CHD7: variants seen among roughly 807,000 people sequenced by gnomAD.
CHD7 encodes chromodomain helicase DNA binding protein 7.
In CHD7, 24 loss-of-function variants were observed where a neutral mutation model predicts 307.3. The observed-to-expected ratio is 0.08, with a 90% CI of 0.06 to 0.11. CHD7 has a LOEUF of 0.11. Among genes scored for constraint, CHD7 ranks in the 10% least tolerant of loss-of-function variants. The pLI is 1.00. For synonymous variants in CHD7, 1,363 were observed against 1,349.9 expected (o/e 1.01, Z -0.21); for missense variants, 3,106 against 3,727.1 (o/e 0.83, Z 4.34).
intron 3 of CHD7, among the ~76,000 whole-genome samples, chr8:60,783,056 G>A (rs1811333987): frequency 6.6e-6 from 1 of 151,804 alleles, no homozygotes; most frequent in Admixed American, 6.6e-5. Flanking sequence ...ATTAATCTTA[G>A]CATCAAGATA....
chr8:60,859,739 AG>A (rs1805879729), intron 34 of CHD7, among the ~76,000 whole-genome samples: 1 of 152,228 alleles, frequency 6.6e-6, no homozygotes, highest in Non-Finnish European at 1.5e-5. Context: ...GAATTTGCTG[AG>A]GAAGTGAGCT....
intron 2 of CHD7, among the ~76,000 whole-genome samples, chr8:60,762,142 C>T (rs1810245380): frequency 6.6e-6 from 1 of 152,126 alleles, no homozygotes; most frequent in Non-Finnish European, 1.5e-5. Flanking sequence ...CTGTGTAGGT[C>T]CTCTCAGTAA....
At chr8:60,723,397 G>A (rs569035340) in intron 1 of CHD7, among the ~76,000 whole-genome samples, 1 of 152,090 alleles carries the variant, frequency 6.6e-6, no homozygotes, top group East Asian at 1.9e-4. Context: ...TTTGAAAAAA[G>A]CCTGCACCTC....
chr8:60,776,057 G>C (rs1810937338), intron 2 of CHD7, among the ~76,000 whole-genome samples: 1 of 152,212 alleles, frequency 6.6e-6, no homozygotes, highest in Non-Finnish European at 1.5e-5. Flanking sequence ...ACTGCATTTA[G>C]CCTATCACAG....
intron 7 of CHD7, among the ~76,000 whole-genome samples, chr8:60,812,801 G>A (rs964086442): frequency 4.4e-4 from 66 of 150,730 alleles, no homozygotes; most frequent in African/African-American, 1.5e-3. Context: ...TGAACTGCTT[G>A]TCTATTTATA....
rs529631798 is a variant in CHD7 at position 60,704,063 on chromosome 8, C to T, written c.-175+24981C>T. ...CTTTTTTCCCCTGATGCTTCCCCTG[C>T]CCCTTTAAAAAAACACTCCTGTTGT... On this transcript the variant is annotated intron_variant, in intron 1 of 37. Transcript: ENST00000423902. 1.2e-4 allele frequency among the ~76,000 whole-genome samples: 19 copies of T among 152,124 alleles called. 1 individual carries two copies. In the South Asian group the frequency reaches 1.7e-3, roughly 13 times the overall value.
At chr8:60,762,114 G>T (rs1410730523) in intron 2 of CHD7, among the ~76,000 whole-genome samples, 2 of 152,118 alleles carry the variant, frequency 1.3e-5, no homozygotes, top group South Asian at 2.1e-4. Flanking sequence ...CTCTTCATGG[G>T]CCCTTAGCAT....
intron 2 of CHD7, among the ~76,000 whole-genome samples, chr8:60,769,599 T>G (rs1810620913): frequency 6.6e-6 from 1 of 152,174 alleles, no homozygotes; most frequent in South Asian, 2.1e-4. Context: ...AGAAAAAAAT[T>G]CCATGTAGTA....
At chr8:60,716,382 C>T (rs1807600890) in intron 1 of CHD7, among the ~76,000 whole-genome samples, 1 of 152,210 alleles carries the variant, frequency 6.6e-6, no homozygotes, top group Non-Finnish European at 1.5e-5. Flanking sequence ...TCTGCTCCAG[C>T]CTCCCCCATC....
chr8:60,739,248 C>G (rs557320014), intron 1 of CHD7, among the ~76,000 whole-genome samples: 95 of 152,330 alleles, frequency 6.2e-4, no homozygotes, highest in African/African-American at 2.2e-3. Flanking sequence ...GTAGACGTTA[C>G]TTTCCTTAAG....
intron 13 of CHD7, among the ~76,000 whole-genome samples, chr8:60,828,007 CAG>C (rs779290576): frequency 4.0e-5 from 6 of 151,714 alleles, no homozygotes; most frequent in East Asian, 1.9e-4. Context: ...AATAGGAAGA[CAG>C]GGTATAACTG....
intron 8 of CHD7, among the ~76,000 whole-genome samples, chr8:60,819,775 A>G (rs1803939536): frequency 6.6e-6 from 1 of 152,240 alleles, no homozygotes; most frequent in Admixed American, 6.5e-5. Context: ...TCTCACAGTA[A>G]AAGGTTTCAC....
chr8:60,755,646 G>T (rs1466436970), intron 2 of CHD7, among the ~76,000 whole-genome samples: 3 of 151,874 alleles, frequency 2.0e-5, no homozygotes, highest in Admixed American at 1.3e-4. Context: ...ACTAAATATT[G>T]TGTATATTTT....
chr8:60,803,599 G>A (rs1010732916), intron 6 of CHD7, among the ~76,000 whole-genome samples: 6 of 152,146 alleles, frequency 3.9e-5, no homozygotes, highest in Non-Finnish European at 7.3e-5. Flanking sequence ...TCTTCTGGAA[G>A]GGAGATATGC....
intron 1 of CHD7, among the ~76,000 whole-genome samples, chr8:60,715,106 G>A (rs772044890): frequency 6.6e-6 from 1 of 152,196 alleles, no homozygotes; most frequent in Non-Finnish European, 1.5e-5. Context: ...AGACATTAGA[G>A]TTTTATAGCT....
chr8:60,807,949 G>T (rs561987966), intron 6 of CHD7, among the ~76,000 whole-genome samples: 3 of 152,338 alleles, frequency 2.0e-5, no homozygotes, highest in South Asian at 4.1e-4. Flanking sequence ...AGGTTGTTGT[G>T]AATGAAGCTG....
In CHD7 at chr8:60,741,501, C is replaced by A. The variant is rs1313890172; in HGVS notation, c.69C>A (p.Gly23=). Residue 23 remains glycine, a synonymous_variant, in exon 2 of 38, where the codon GGC becomes GGA. Coordinates refer to ENST00000423902, the MANE Select transcript of CHD7 (RefSeq NM_017780.4). ...DGNIFSEGLE[G]LGECGYPENP... is the part of the protein sequence containing the mutation. Reference sequence around the variant, plus strand: ...ATATTTTCAGTGAAGGTCTTGAAGGCCTCGGAGAATGTGGTTACCCGGAAA... The same window carrying A: ...ATATTTTCAGTGAAGGTCTTGAAGGACTCGGAGAATGTGGTTACCCGGAAA... The A allele has an allele frequency of 4.3e-6, 7 of 1,612,660 alleles. No individual in the cohort carries two copies. Among genetic ancestry groups the A allele is most frequent in the Non-Finnish European group, 5.9e-6 (7 of 1,179,336 alleles).
chr8:60,680,414 GGGC>G (rs1220843543), intron 1 of CHD7, among the ~76,000 whole-genome samples: 1 of 116,460 alleles, frequency 8.6e-6, no homozygotes, highest in Admixed American at 7.9e-5. Context: ...GGGGGGGCGG[GGGC>G]GGCGGCGGCG....
intron 4 of CHD7, among the ~76,000 whole-genome samples, chr8:60,795,430 T>A (rs148444541): frequency 6.6e-6 from 1 of 152,366 alleles, no homozygotes; most frequent in African/African-American, 2.4e-5. Flanking sequence ...ACATTGTTAA[T>A]ATACTGGCTC....
Sources: allele counts gnomAD v4.1 joint callset (sites outside exome capture counted in the v4.1 genomes callset), GRCh38; gene constraint gnomAD v4.1.1; transcripts MANE v1.5; gene names NCBI Gene and HGNC (gene_info 2026-07-23, HGNC 2026-07-21).